ZNF57: variants seen among roughly 807,000 people sequenced by gnomAD.
ZNF57 encodes the protein zinc finger protein 57, also known as zinc finger protein 424.
Under a neutral mutation model 13.4 loss-of-function variants are expected in ZNF57, and 11 were observed. That is an observed-to-expected ratio of 0.82 (90% CI 0.52 to 1.36). The LOEUF (loss-of-function observed/expected upper bound fraction) is 1.36, where lower values mean the gene tolerates loss of function less well. Among genes scored for constraint, ZNF57 ranks in the 40% most tolerant of loss-of-function variants. The probability of loss-of-function intolerance (pLI) is 0.00; values close to 1 mark genes in which losing one functional copy is unlikely to be tolerated. For missense variants in ZNF57, 696 were observed against 667.5 expected, an observed-to-expected ratio of 1.04 and a Z score of -0.47; for synonymous variants, 224 against 238.5, an observed-to-expected ratio of 0.94 and a Z score of 0.56.
intron 1 of ZNF57, among the ~76,000 whole-genome samples, chr19:2,911,644 C>T (rs924785619): frequency 2.0e-5 from 3 of 152,170 alleles, no homozygotes; most frequent in African/African-American, 7.2e-5. Context: ...CCCCAGCCTC[C>T]CAAAATGCTG....
Position 2,901,104 on chromosome 19 carries a change from G to T in ZNF57, c.3+56G>T, listed in dbSNP as rs897410697. On this transcript the variant is annotated intron_variant, in intron 1 of 3. Coordinates refer to ENST00000306908, the MANE Select transcript of ZNF57 (RefSeq NM_173480.3). Reference sequence around the variant, plus strand: ...ACGGTCGGAGCGACGGGAACCGGCTGGAACCAGAGTCCGCCGAAGTCTGCG... The same window carrying T: ...ACGGTCGGAGCGACGGGAACCGGCTTGAACCAGAGTCCGCCGAAGTCTGCG... 6.1e-5 allele frequency: 88 copies of T among 1,445,692 alleles called. No homozygotes were observed. The African/African-American group carries it at 1.5e-3, about 25-fold the overall frequency. 89.6% of individuals were successfully genotyped at this position (1,445,692 alleles called of 1,614,324 possible).
intron 1 of ZNF57, among the ~76,000 whole-genome samples, chr19:2,914,471 T>C (rs975150393): frequency 6.6e-6 from 1 of 152,250 alleles, no homozygotes; most frequent in Non-Finnish European, 1.5e-5. Context: ...GTCAGGCTGG[T>C]CTCAAACTCC....
In ZNF57 at chr19:2,915,789, T is replaced by G. The variant is rs150530907; in HGVS notation, c.130+141T>G. The G allele has an allele frequency of 2.2e-6, 3 of 1,338,472 alleles. No individual in the cohort carries two copies. The East Asian group carries it at 7.1e-5, about 32-fold the overall frequency. 82.9% of individuals were successfully genotyped at this position (1,338,472 alleles called of 1,614,324 possible). On this transcript the variant is annotated intron_variant, in intron 2 of 3. Transcript: ENST00000306908. The stretch of plus-strand genomic sequence containing the variant: ...CATGGACCTAGAATCTAGTCATTAT[T>G]CCCTAACAGTGAAAACATGTGTGAA...
At chr19:2,908,979 G>A (rs542591678) in intron 1 of ZNF57, among the ~76,000 whole-genome samples, 22 of 151,742 alleles carry the variant, frequency 1.4e-4, no homozygotes, top group Admixed American at 6.6e-4. Flanking sequence ...CTTTTCTGAC[G>A]GCTTCTCTCA....
intron 2 of ZNF57, 199 bp from the exon 3 acceptor site, chr19:2,915,879 T>C (rs1466614912): frequency 2.2e-6 from 2 of 904,878 alleles, no homozygotes; most frequent in African/African-American, 3.3e-5. Flanking sequence ...AGTAGGGGTA[T>C]AGATTTCACT....
At position 2,901,025 on chromosome 19, in the gene ZNF57, G is replaced by C; in HGVS notation, c.-21G>C. On this transcript the variant is annotated 5_prime_UTR_variant, in exon 1 of 4. Coordinates refer to ENST00000306908, the MANE Select transcript of ZNF57 (RefSeq NM_173480.3). ...GAGGCCACGGAGAGCTCGCCTTGGA[G>C]AGCCCAGGAGCAGGGGAGACATGGT... is the stretch of plus-strand genomic sequence containing the variant. 6.4e-7 allele frequency: 1 copy of C among 1,559,226 alleles called. No individual in the cohort carries two copies. The highest frequency in any genetic ancestry group is 8.7e-7 in the Non-Finnish European group (1 of 1,150,854).
rs748503255 is a variant in ZNF57 at position 2,900,984 on chromosome 19, C to G, written c.-62C>G. The G allele has an allele frequency of 1.3e-6, 2 of 1,549,276 alleles. No homozygotes were observed. The highest frequency in any genetic ancestry group is 2.4e-5 in the South Asian group (2 of 84,068). ...GCGGCCCGGGAGTACCTGTACCTTT[C>G]AGCTGCGCCGGCCGCGAGGCCACGG... On this transcript the variant is annotated 5_prime_UTR_variant, in exon 1 of 4. Transcript: ENST00000306908.
intron 1 of ZNF57, among the ~76,000 whole-genome samples, chr19:2,905,920 G>A (rs1169238445): frequency 2.0e-5 from 3 of 152,122 alleles, no homozygotes; most frequent in African/African-American, 7.2e-5. Flanking sequence ...TAATGGAATT[G>A]TATTCAAACC....
chr19:2,911,632 C>T (rs555170679), intron 1 of ZNF57, among the ~76,000 whole-genome samples: 7 of 152,272 alleles, frequency 4.6e-5, no homozygotes, highest in South Asian at 2.1e-4. Context: ...GCAATCCTCC[C>T]GCCCCAGCCT....
chr19:2,918,370 A>C lies in ZNF57; in HGVS notation c.*81A>C, dbSNP rs888148487. 2.1e-6 allele frequency: 3 copies of C among 1,427,704 alleles called. No individual in the cohort carries two copies. Among genetic ancestry groups the C allele is most frequent in the Middle Eastern group, 1.8e-4 (1 of 5,440 alleles). 88.4% of individuals were successfully genotyped at this position (1,427,704 alleles called of 1,614,324 possible). On this transcript the variant is annotated 3_prime_UTR_variant, in exon 4 of 4. Transcript: ENST00000306908. ...CCAGAAAATTCACACCAGGAGAGAAATCTTACAAGTATGATATTGTCTTTG... is the reference window on the plus strand; with the variant it reads ...CCAGAAAATTCACACCAGGAGAGAACTCTTACAAGTATGATATTGTCTTTG...
intron 1 of ZNF57, among the ~76,000 whole-genome samples, chr19:2,908,356 A>T (rs2088094275): frequency 6.6e-6 from 1 of 152,002 alleles, no homozygotes; most frequent in Non-Finnish European, 1.5e-5. Context: ...TTTGAGGAAG[A>T]CAGTGAACTT....
At chr19:2,908,338 A>G (rs1033542077) in intron 1 of ZNF57, among the ~76,000 whole-genome samples, 1 of 151,688 alleles carries the variant, frequency 6.6e-6, no homozygotes, top group Non-Finnish European at 1.5e-5. Context: ...CATTTTGTGT[A>G]TCATGTTTTT....
intron 1 of ZNF57, among the ~76,000 whole-genome samples, chr19:2,907,750 G>T (rs777999187): frequency 1.3e-5 from 2 of 152,190 alleles, no homozygotes; most frequent in Middle Eastern, 3.2e-3. Context: ...ATCTCACTCT[G>T]TTGCCCAGAC....
At chr19:2,908,243 A>G (rs898295224) in intron 1 of ZNF57, among the ~76,000 whole-genome samples, 11 of 152,142 alleles carry the variant, frequency 7.2e-5, no homozygotes, top group African/African-American at 2.7e-4. Flanking sequence ...CAAAAAGACA[A>G]GTTTATGTTT....
Position 2,916,910 on chromosome 19 carries a change from C to A in ZNF57, c.303-14C>A, listed in dbSNP as rs772238085. On this transcript the variant is annotated splice_polypyrimidine_tract_variant and intron_variant, in intron 3 of 3. Transcript: ENST00000306908. ...AAACATACCATACATAAAAATGTCT[C>A]TCATTTTTAACAGAAATCATATGGT... 86 of 1,548,006 alleles carry A rather than the reference C, an allele frequency of 5.6e-5. 3 individuals carry two copies. The South Asian group carries it at 9.8e-4, about 18-fold the overall frequency.
In ZNF57 at chr19:2,917,066, T is replaced by A. The variant is rs763803022; in HGVS notation, c.445T>A (p.Phe149Ile). Reference sequence around the variant, plus strand: ...TGAATGCACCAAGTGCAGGACAGTCTTCACGCATCTTTCTTCTCTTAAAAG... The same window carrying A: ...TGAATGCACCAAGTGCAGGACAGTCATCACGCATCTTTCTTCTCTTAAAAG... ...PYECTKCRTV[F>I]THLSSLKRHV... The change falls in exon 4 of 4, where the codon TTC (phenylalanine) becomes ATC (isoleucine). Residue 149 changes from phenylalanine to isoleucine, a missense_variant. By Grantham distance (21) the Phe-to-Ile change is conservative. Coordinates refer to ENST00000306908, the MANE Select transcript of ZNF57 (RefSeq NM_173480.3). 7.4e-6 allele frequency: 12 copies of A among 1,614,104 alleles called. No individual in the cohort carries two copies. The highest frequency in any genetic ancestry group is 1.0e-5 in the Non-Finnish European group (12 of 1,180,046).
In ZNF57 at chr19:2,917,347, T is replaced by C. The variant is rs2088214293; in HGVS notation, c.726T>C (p.His242=). The change falls in exon 4 of 4, where the codon CAT becomes CAC. Residue 242 remains histidine, a synonymous_variant. Coordinates refer to ENST00000306908, the MANE Select transcript of ZNF57 (RefSeq NM_173480.3). ...ATGGGTTCGCAAGCTTCACTAGACATGTGAGAACTCACACAAAAGACAGGC... is the reference window on the plus strand; with the variant it reads ...ATGGGTTCGCAAGCTTCACTAGACACGTGAGAACTCACACAAAAGACAGGC... ...AFNGFASFTR[H]VRTHTKDRPY... 1.2e-6 allele frequency: 2 copies of C among 1,614,136 alleles called. No homozygotes were observed. The highest frequency in any genetic ancestry group is 1.7e-6 in the Non-Finnish European group (2 of 1,179,976).
At chr19:2,903,627 G>A (rs1165673240) in intron 1 of ZNF57, among the ~76,000 whole-genome samples, 2 of 152,114 alleles carry the variant, frequency 1.3e-5, no homozygotes, top group African/African-American at 4.8e-5. Flanking sequence ...TGCCCCCAGG[G>A]TAACCACTGT....
chr19:2,917,809 A>G lies in ZNF57; in HGVS notation c.1188A>G (p.Gln396=). 1.3e-6 allele frequency: 2 copies of G among 1,576,268 alleles called. No individual in the cohort carries two copies. The highest frequency in any genetic ancestry group is 1.7e-6 in the Non-Finnish European group (2 of 1,164,508). ...AAGAGCAGCTCTATAAATGTGAACA[A>G]TGTGGGAAGGCTTTTACCTCTTCCA... ...HTQEQLYKCE[Q]CGKAFTSSRS... The change falls in exon 4 of 4, where the codon CAA becomes CAG. Residue 396 remains glutamine, a synonymous_variant. Transcript: ENST00000306908.
Sources: allele counts gnomAD v4.1 joint callset (sites outside exome capture counted in the v4.1 genomes callset), GRCh38; gene constraint gnomAD v4.1.1; transcripts MANE v1.5; gene names NCBI Gene and HGNC (gene_info 2026-07-23, HGNC 2026-07-21).